Variants in CLDN10 observed in about 807,000 individuals in gnomAD.
The protein encoded by CLDN10 is claudin 10.
Under a neutral mutation model 22.9 loss-of-function variants are expected in CLDN10, and 15 were observed. That is an observed-to-expected ratio of 0.65 (90% CI 0.44 to 1.01). The LOEUF (loss-of-function observed/expected upper bound fraction) is 1.01, where lower values mean the gene tolerates loss of function less well. Among genes scored for constraint, CLDN10 ranks in the 50% least tolerant of loss-of-function variants. The pLI, the probability that CLDN10 is intolerant of heterozygous loss-of-function variation, is 0.00. For missense variants in CLDN10, 247 were observed against 287.8 expected (o/e 0.86, Z 1.03); for synonymous variants, 114 against 111.4 (o/e 1.02, Z -0.15).
intron 1 of CLDN10, among the ~76,000 whole-genome samples, chr13:95,435,132 G>A (rs189015809): frequency 6.6e-6 from 1 of 152,260 alleles, no homozygotes; most frequent in East Asian, 1.9e-4. Flanking sequence ...TCATACTCCA[G>A]AATGCCTTCA....
chr13:95,531,140 G>A (rs369784346), intron 1 of CLDN10, among the ~76,000 whole-genome samples: 16 of 151,960 alleles, frequency 1.1e-4, no homozygotes, highest in African/African-American at 3.6e-4. Flanking sequence ...GGATGGTCTC[G>A]ATCTCATGAC....
At chr13:95,446,776 A>G (rs1323821989) in intron 1 of CLDN10, among the ~76,000 whole-genome samples, 3 of 152,116 alleles carry the variant, frequency 2.0e-5, no homozygotes, top group Admixed American at 2.0e-4. Flanking sequence ...CAGGAGGTAG[A>G]GGTTGCAGTG....
intron 1 of CLDN10, among the ~76,000 whole-genome samples, chr13:95,486,812 T>A (rs1326795116): frequency 6.6e-6 from 1 of 152,202 alleles, no homozygotes. Flanking sequence ...CGTTGTGAGC[T>A]CTTTGGGGAG....
rs2043485346 is a variant in CLDN10, at chr13:95,544,094, C to T, written c.215-16038C>T. 2.0e-5 allele frequency among the ~76,000 whole-genome samples: 3 copies of T among 152,100 alleles called. No individual in the cohort carries two copies. The South Asian group carries it at 6.2e-4, about 32-fold the overall frequency. On this transcript the variant is annotated intron_variant, in intron 1 of 4. Coordinates refer to the CLDN10 transcript ENST00000376873. The stretch of plus-strand genomic sequence containing the variant: ...TAAATTCAACAACATTTAGCAAATG[C>T]CTATAGTATACCCAGTTCTATAATA...
intron 1 of CLDN10, among the ~76,000 whole-genome samples, chr13:95,454,825 G>A (rs968048865): frequency 2.0e-5 from 3 of 152,194 alleles, no homozygotes; most frequent in African/African-American, 7.2e-5. Context: ...AATATTTTGG[G>A]GGAGGTGTGG....
intron 1 of CLDN10, among the ~76,000 whole-genome samples, chr13:95,556,876 A>G (rs574650568): frequency 6.6e-6 from 1 of 152,388 alleles, no homozygotes; most frequent in South Asian, 2.1e-4. Context: ...AATTGAAAAT[A>G]AAGTACACAT....
intron 3 of CLDN10, among the ~76,000 whole-genome samples, chr13:95,569,961 G>A (rs1162968742): frequency 6.6e-6 from 1 of 152,108 alleles, no homozygotes; most frequent in Non-Finnish European, 1.5e-5. Context: ...GTAGAGACGG[G>A]GTTTCACCGT....
At chr13:95,442,289 G>T (rs1486446211) in intron 1 of CLDN10, among the ~76,000 whole-genome samples, 1 of 152,216 alleles carries the variant, frequency 6.6e-6, no homozygotes, top group Non-Finnish European at 1.5e-5. Context: ...GCTGTAGGAA[G>T]GTGGCTATTA....
At chr13:95,540,180 G>A (rs1313345700) in intron 1 of CLDN10, among the ~76,000 whole-genome samples, 1 of 152,120 alleles carries the variant, frequency 6.6e-6, no homozygotes, top group South Asian at 2.1e-4. Context: ...CATGCCTGTA[G>A]TCCCAGCTAC....
At chr13:95,537,310 G>C (rs892807580) in intron 1 of CLDN10, among the ~76,000 whole-genome samples, 2 of 152,074 alleles carry the variant, frequency 1.3e-5, no homozygotes, top group African/African-American at 4.8e-5. Context: ...TTGTTTTGTT[G>C]CCAGAGCTGG....
intron 3 of CLDN10, among the ~76,000 whole-genome samples, chr13:95,564,893 A>G (rs565400386): frequency 2.0e-5 from 3 of 152,178 alleles, no homozygotes; most frequent in East Asian, 3.9e-4. Flanking sequence ...ATCTGGGAAG[A>G]TTTTTCTTCC....
chr13:95,447,016 A>G (rs2042387477), intron 1 of CLDN10, among the ~76,000 whole-genome samples: 1 of 152,046 alleles, frequency 6.6e-6, no homozygotes, highest in South Asian at 2.1e-4. Flanking sequence ...GGGCAGGGGG[A>G]TACAAGAGAA....
chr13:95,452,583 T>C (rs1326827340), intron 1 of CLDN10, among the ~76,000 whole-genome samples: 1 of 152,204 alleles, frequency 6.6e-6, no homozygotes, highest in Non-Finnish European at 1.5e-5. Flanking sequence ...GAAAAGTGAC[T>C]GGGTCGTGTG....
intron 1 of CLDN10, among the ~76,000 whole-genome samples, chr13:95,456,972 A>G (rs78062845): frequency 0.091 from 13,842 of 152,204 alleles, 889 homozygotes; most frequent in South Asian, 0.22. Flanking sequence ...TGTAAGACAG[A>G]TGGAGTCTCT....
In CLDN10 at chr13:95,487,870, G is replaced by T. The variant is rs550722617; in HGVS notation, c.214+53823G>T. On this transcript the variant is annotated intron_variant, in intron 1 of 4. Coordinates refer to the CLDN10 transcript ENST00000376873. ...TAAAAAATTTTTTTGTAGAGACAGG[G>T]TCTCACAGTGTTGCTCAAGCTGGTC... Among the ~76,000 whole-genome samples, 1,142 of 151,866 alleles carry T rather than the reference G, an allele frequency of 7.5e-3. 6 individuals are homozygous for T. Among genetic ancestry groups the T allele is most frequent in the Non-Finnish European group, 0.013 (889 of 67,926 alleles).
At chr13:95,489,569 G>T (rs1287972208) in intron 1 of CLDN10, among the ~76,000 whole-genome samples, 1 of 151,666 alleles carries the variant, frequency 6.6e-6, no homozygotes, top group Non-Finnish European at 1.5e-5. Context: ...CTTTTTGATG[G>T]GATTTTTTTT....
intron 1 of CLDN10, among the ~76,000 whole-genome samples, chr13:95,483,504 C>T (rs887982003): frequency 1.3e-5 from 2 of 152,080 alleles, no homozygotes; most frequent in Non-Finnish European, 2.9e-5. Flanking sequence ...CCACTGTGCC[C>T]GGCCTCTTAA....
intron 1 of CLDN10, among the ~76,000 whole-genome samples, chr13:95,529,824 G>A (rs1045985645): frequency 1.3e-5 from 2 of 151,958 alleles, no homozygotes; most frequent in African/African-American, 4.8e-5. Context: ...TATTTCTTGG[G>A]TTATCAGGAC....
At chr13:95,437,678 C>A (rs569922908) in intron 1 of CLDN10, among the ~76,000 whole-genome samples, 5 of 152,056 alleles carry the variant, frequency 3.3e-5, no homozygotes, top group African/African-American at 1.2e-4. Flanking sequence ...AGATGGTTCG[C>A]GATGAGGGCA....
Sources: allele counts gnomAD v4.1 joint callset (sites outside exome capture counted in the v4.1 genomes callset), GRCh38; gene constraint gnomAD v4.1.1; transcripts MANE v1.5; gene names NCBI Gene and HGNC (gene_info 2026-07-23, HGNC 2026-07-21).